EEFSEC: variants seen among roughly 807,000 people sequenced by gnomAD.
EEFSEC encodes the protein eukaryotic elongation factor, selenocysteine-tRNA specific.
EEFSEC carries 43 observed loss-of-function variants against 42.1 expected under a neutral mutation model. That is an observed-to-expected ratio of 1.02 (90% CI 0.80 to 1.32). The LOEUF (loss-of-function observed/expected upper bound fraction) is 1.32, where lower values mean the gene tolerates loss of function less well. Among genes scored for constraint, EEFSEC ranks in the 40% most tolerant of loss-of-function variants. EEFSEC has a pLI of 0.00. For synonymous variants in EEFSEC, 354 were observed against 339.1 expected (o/e 1.04, Z -0.48); for missense variants, 745 against 803.6 (o/e 0.93, Z 0.88).
intron 4 of EEFSEC, among the ~76,000 whole-genome samples, chr3:128,303,410 C>T (rs778551044): frequency 3.9e-5 from 6 of 152,204 alleles, no homozygotes; most frequent in Non-Finnish European, 5.9e-5. Flanking sequence ...TCAATTTTTA[C>T]CTGACCTGAT....
In EEFSEC at chr3:128,201,182, C is replaced by T. The variant is rs139131946; in HGVS notation, c.317-45654C>T. Among the ~76,000 whole-genome samples the T allele has an allele frequency of 2.6e-3, 403 of 152,152 alleles. 1 individual carries two copies. Among genetic ancestry groups the T allele is most frequent in the African/African-American group, 8.9e-3 (370 of 41,494 alleles). On this transcript the variant is annotated intron_variant, in intron 1 of 6. Coordinates refer to ENST00000254730, the MANE Select transcript of EEFSEC (RefSeq NM_021937.5). The stretch of plus-strand genomic sequence containing the variant: ...CCTTCAGTGCATATTAAAATAAATA[C>T]CTAACTACCATAATAAAAAAAGTGT...
chr3:128,296,010 G>A (rs890662943), intron 4 of EEFSEC, among the ~76,000 whole-genome samples: 2 of 152,156 alleles, frequency 1.3e-5, no homozygotes, highest in African/African-American at 2.4e-5. Flanking sequence ...CCCTGAGAAA[G>A]CACATGTTAC....
chr3:128,385,973 A>G (rs2067833571), intron 6 of EEFSEC, among the ~76,000 whole-genome samples: 2 of 152,266 alleles, frequency 1.3e-5, no homozygotes, highest in African/African-American at 4.8e-5. Flanking sequence ...TAGGTAGTCC[A>G]CAAATAAGCC....
At chr3:128,279,655 AC>A in intron 4 of EEFSEC, among the ~76,000 whole-genome samples, 1 of 152,268 alleles carries the variant, frequency 6.6e-6, no homozygotes, top group South Asian at 2.1e-4. Context: ...GACGAGACCT[AC>A]CCAGAGTTGT....
intron 6 of EEFSEC, among the ~76,000 whole-genome samples, chr3:128,379,212 G>A (rs748640794): frequency 1.4e-4 from 21 of 152,212 alleles, no homozygotes; most frequent in Non-Finnish European, 2.5e-4. Context: ...CCTGGAAGCC[G>A]TCCTGACGGA....
At chr3:128,410,808 T>A (rs1156994655), downstream of EEFSEC, among the ~76,000 whole-genome samples, 1 of 152,114 alleles carries the variant, frequency 6.6e-6, no homozygotes, top group African/African-American at 2.4e-5. Context: ...TAAGCCGTTT[T>A]TCCAGGAACT....
intron 4 of EEFSEC, among the ~76,000 whole-genome samples, chr3:128,319,002 A>C (rs548510907): frequency 6.6e-6 from 1 of 152,340 alleles, no homozygotes; most frequent in South Asian, 2.1e-4. Context: ...GTCTGAATCT[A>C]GGTTCAGACA....
chr3:128,294,273 T>C (rs916711059), intron 4 of EEFSEC, among the ~76,000 whole-genome samples: 1 of 152,220 alleles, frequency 6.6e-6, no homozygotes. Flanking sequence ...TTCCTAGCCC[T>C]GAAGATTGCC....
intron 1 of EEFSEC, among the ~76,000 whole-genome samples, chr3:128,212,563 G>T (rs1042233889): frequency 3.3e-5 from 5 of 152,166 alleles, no homozygotes; most frequent in African/African-American, 1.2e-4. Flanking sequence ...CCAGGAAAAG[G>T]ATTTAAAACC....
the EEFSEC span, among the ~76,000 whole-genome samples, chr3:128,422,000 A>G: frequency 5.3e-5 from 8 of 152,112 alleles, no homozygotes; most frequent in African/African-American, 1.9e-4. Context: ...TGGTTTGTGG[A>G]AAAAAACAGC....
chr3:128,358,071 A>G (rs2067478247), intron 5 of EEFSEC, 146 bp from the exon 6 acceptor site: 2 of 1,021,038 alleles, frequency 2.0e-6, no homozygotes, highest in African/African-American at 1.6e-5. Flanking sequence ...AGGTGGGCTC[A>G]TCACCAGGCT....
At chr3:128,224,840 C>A (rs569286084) in intron 1 of EEFSEC, among the ~76,000 whole-genome samples, 2 of 152,308 alleles carry the variant, frequency 1.3e-5, no homozygotes, top group Non-Finnish European at 2.9e-5. Flanking sequence ...CCTCCCTCCA[C>A]AAAAGGATAT....
chr3:128,254,835 G>A (rs2066225297), intron 2 of EEFSEC, among the ~76,000 whole-genome samples: 1 of 152,122 alleles, frequency 6.6e-6, no homozygotes, highest in Non-Finnish European at 1.5e-5. Context: ...TCTCACAGCT[G>A]TGGTCTGTGC....
chr3:128,400,978 C>T (rs188365774), intron 6 of EEFSEC, among the ~76,000 whole-genome samples: 4 of 152,302 alleles, frequency 2.6e-5, no homozygotes, highest in Admixed American at 6.5e-5. Context: ...CATGGCCGCC[C>T]GCCCCCACTG....
intron 4 of EEFSEC, among the ~76,000 whole-genome samples, chr3:128,292,223 C>T (rs781098855): frequency 6.6e-5 from 10 of 151,868 alleles, no homozygotes; most frequent in Non-Finnish European, 1.2e-4. Flanking sequence ...TTTGATTTTA[C>T]ATTTTAGCAT....
At chr3:128,240,543 G>A (rs1159434089) in intron 1 of EEFSEC, among the ~76,000 whole-genome samples, 3 of 152,214 alleles carry the variant, frequency 2.0e-5, no homozygotes, top group Non-Finnish European at 4.4e-5. Flanking sequence ...CCTGTGCTGA[G>A]GAGGACAGGC....
chr3:128,274,432 G>A (rs1217212564), intron 4 of EEFSEC, among the ~76,000 whole-genome samples: 1 of 152,244 alleles, frequency 6.6e-6, no homozygotes, highest in East Asian at 1.9e-4. Context: ...CAGTCAGGCA[G>A]CACTCAGTGG....
At chr3:128,201,266 A>C (rs1286113805) in intron 1 of EEFSEC, among the ~76,000 whole-genome samples, 1 of 152,060 alleles carries the variant, frequency 6.6e-6, no homozygotes, top group Non-Finnish European at 1.5e-5. Flanking sequence ...ATGCTCTCTA[A>C]TTGCTCTACA....
At chr3:128,211,193 C>T (rs28459381) in intron 1 of EEFSEC, among the ~76,000 whole-genome samples, 12,257 of 152,124 alleles carry the variant, frequency 0.081, 1,270 homozygotes, top group East Asian at 0.36. Flanking sequence ...GTGCTATTGC[C>T]CTTAGTTGTT....
Sources: allele counts gnomAD v4.1 joint callset (sites outside exome capture counted in the v4.1 genomes callset), GRCh38; gene constraint gnomAD v4.1.1; transcripts MANE v1.5; gene names NCBI Gene and HGNC (gene_info 2026-07-23, HGNC 2026-07-21).